Variants in CDKN2B-AS1 observed in about 807,000 individuals in gnomAD.
The protein encoded by CDKN2B-AS1 is CDKN2B and CDKN2A antisense cis and trans regulatory RNA 1, also known as CDKN2B antisense RNA 1 (non-protein coding).
At chr9:22,014,310 A>C (rs1376524371) in intron 1 of CDKN2B-AS1, among the ~76,000 whole-genome samples, 2 of 152,078 alleles carry the variant, frequency 1.3e-5, no homozygotes, top group Non-Finnish European at 2.9e-5. Flanking sequence ...CTACAGGCAC[A>C]CATCACCTGG....
At chr9:22,126,574 C>CTTTTTTTTTTTTTTT (rs34700018) in intron 4 of CDKN2B-AS1, among the ~76,000 whole-genome samples, 7 of 104,878 alleles carry the variant, frequency 6.7e-5, no homozygotes, top group African/African-American at 2.4e-4. Flanking sequence ...TAAGTGGATT[C>CTTTTTTTTTTTTTTT]TTTTTTTTTT....
chr9:22,046,179 A>G (rs903875091), intron 1 of CDKN2B-AS1: 40 of 152,112 alleles, frequency 2.6e-4, no homozygotes, highest in Admixed American at 2.6e-3. Flanking sequence ...GGAGGACTAT[A>G]TCTAGCAATA....
At chr9:22,041,254 G>A (rs1343181379) in intron 1 of CDKN2B-AS1, among the ~76,000 whole-genome samples, 4 of 151,956 alleles carry the variant, frequency 2.6e-5, no homozygotes, top group African/African-American at 9.7e-5. Context: ...GATGAGAAGA[G>A]CAAATGCTAC....
intron 4 of CDKN2B-AS1, chr9:22,119,956 T>C (rs1300445625): frequency 3.3e-5 from 5 of 152,172 alleles, no homozygotes; most frequent in African/African-American, 1.2e-4. Flanking sequence ...GAACTTGAGC[T>C]TGGGTTCAGC....
At chr9:22,020,302 T>C (rs1821962785) in intron 1 of CDKN2B-AS1, among the ~76,000 whole-genome samples, 1 of 152,254 alleles carries the variant, frequency 6.6e-6, no homozygotes, top group African/African-American at 2.4e-5. Flanking sequence ...TGATTCAATT[T>C]TTTTTGGCTA....
At chr9:22,118,157 C>A (rs1419934625) in intron 4 of CDKN2B-AS1, 1 of 152,186 alleles carries the variant, frequency 6.6e-6, no homozygotes, top group Non-Finnish European at 1.5e-5. Flanking sequence ...TTGTCATGAG[C>A]CATTCTCTCC....
intron 4 of CDKN2B-AS1, among the ~76,000 whole-genome samples, chr9:22,115,274 A>G (rs1243822442): frequency 6.6e-6 from 1 of 152,180 alleles, no homozygotes; most frequent in Non-Finnish European, 1.5e-5. Flanking sequence ...TTATACTTTC[A>G]AGGAGGGAAG....
chr9:22,126,550 G>C (rs1324092307), intron 4 of CDKN2B-AS1, among the ~76,000 whole-genome samples: 1 of 148,308 alleles, frequency 6.7e-6, no homozygotes. Context: ...GGGTATACTT[G>C]AATGGGGATG....
intron 4 of CDKN2B-AS1, among the ~76,000 whole-genome samples, chr9:22,094,043 T>C (rs1231205106): frequency 6.9e-6 from 1 of 144,556 alleles, no homozygotes; most frequent in Non-Finnish European, 1.5e-5. Flanking sequence ...CATTTGCTTT[T>C]CTGTAAAGTA....
chr9:22,098,250 A>G (rs541902793), intron 4 of CDKN2B-AS1, among the ~76,000 whole-genome samples: 2 of 151,454 alleles, frequency 1.3e-5, no homozygotes, highest in East Asian at 3.9e-4. Flanking sequence ...GTATACATTT[A>G]TATGTGTATA....
At chr9:22,040,330 A>G (rs1310282155) in intron 1 of CDKN2B-AS1, among the ~76,000 whole-genome samples, 1 of 152,042 alleles carries the variant, frequency 6.6e-6, no homozygotes, top group Non-Finnish European at 1.5e-5. Flanking sequence ...AAATTAAATG[A>G]CAAGTTCAAG....
intron 1 of CDKN2B-AS1, chr9:22,029,759 G>A: frequency 2.7e-6 from 1 of 372,248 alleles, no homozygotes; most frequent in Middle Eastern, 6.9e-4. Context: ...TGTTTATTCT[G>A]ACAGTTTATT....
chr9:22,091,186 A>G (rs569756510), intron 4 of CDKN2B-AS1, among the ~76,000 whole-genome samples: 1 of 152,142 alleles, frequency 6.6e-6, no homozygotes, highest in African/African-American at 2.4e-5. Flanking sequence ...ATTGGTCTAT[A>G]TCTCTGTTTT....
At chr9:22,016,376 G>C (rs1260229656) in intron 1 of CDKN2B-AS1, among the ~76,000 whole-genome samples, 1 of 152,136 alleles carries the variant, frequency 6.6e-6, no homozygotes, top group Non-Finnish European at 1.5e-5. Context: ...TACTGCCCAA[G>C]GTAATTTATA....
intron 4 of CDKN2B-AS1, among the ~76,000 whole-genome samples, chr9:22,084,002 T>C (rs1223798390): frequency 6.6e-6 from 1 of 152,232 alleles, no homozygotes; most frequent in Non-Finnish European, 1.5e-5. Context: ...TGACCATTGA[T>C]TGAAACTTTT....
rs1489617960 is a variant in CDKN2B-AS1, at chr9:22,006,310, G to C, written n.29+11149G>C. 1.2e-5 allele frequency: 19 copies of C among 1,594,312 alleles called. No individual in the cohort carries two copies. Among genetic ancestry groups the C allele is most frequent in the Non-Finnish European group, 1.4e-5 (17 of 1,177,262 alleles). On this transcript the variant is annotated intron_variant and non_coding_transcript_variant, in intron 1 of 4. Transcript: ENST00000650946. This position sits in a 1 kb window ranked among gnomAD's most constrained non-coding sequence, Gnocchi z 6.4. ...GGCAGGTATGGGAGATGCCGGCCGGGGCAAGGCAGGTGGAGCCATTTAAAG... is the reference window on the plus strand; with the variant it reads ...GGCAGGTATGGGAGATGCCGGCCGGCGCAAGGCAGGTGGAGCCATTTAAAG...
rs72652443 is a variant in CDKN2B-AS1 at position 22,095,197 on chromosome 9, C to A, written n.439-31906C>A. Among the ~76,000 whole-genome samples the A allele has an allele frequency of 9.5e-3, 1,378 of 144,800 alleles. 68 individuals carry two copies. The highest frequency in any genetic ancestry group is 0.011 in the Non-Finnish European group (780 of 67,846). 95.0% of individuals were successfully genotyped at this position (144,800 alleles called of 152,430 possible). A position where few individuals can be genotyped will look rare whatever the true frequency, so the allele number is the denominator to read the frequency against. ...AGCTTCGTCTCAGAGGGGTACCCAG[C>A]CGTGTGAGGTGTCAGTCTGCCCCTA... On this transcript the variant is annotated intron_variant and non_coding_transcript_variant, in intron 4 of 4. Transcript: ENST00000650946.
chr9:22,034,858 T>C (rs559219369), intron 1 of CDKN2B-AS1, among the ~76,000 whole-genome samples: 2 of 152,312 alleles, frequency 1.3e-5, no homozygotes, highest in African/African-American at 4.8e-5. Flanking sequence ...GCAGCAAGAC[T>C]GATTTGACAT....
intron 4 of CDKN2B-AS1, among the ~76,000 whole-genome samples, chr9:22,069,801 C>T (rs1046258203): frequency 6.6e-6 from 1 of 152,106 alleles, no homozygotes; most frequent in Non-Finnish European, 1.5e-5. Flanking sequence ...TGTCGACCAG[C>T]CTCTCCCCAT....
Sources: gnomAD v4.1 joint callset for allele counts (sites outside exome capture counted in the v4.1 genomes callset) on GRCh38, gnomAD v4.1.1 for gene constraint, Gnocchi (gnomAD v3.1) non-coding constraint, MANE v1.5 for transcripts, NCBI Gene and HGNC (gene_info 2026-07-23, HGNC 2026-07-21) for gene names.